Variants in STARD13 observed in about 807,000 individuals in gnomAD.
STARD13 encodes the protein stAR-related lipid transfer protein 13.
STARD13 carries 62 observed loss-of-function variants against 106.4 expected under a neutral mutation model. The observed-to-expected ratio is 0.58, with a 90% CI of 0.48 to 0.72. The LOEUF (loss-of-function observed/expected upper bound fraction) is 0.72. STARD13 is among the 30% of genes least tolerant of loss of function. The pLI is 0.00. For missense variants in STARD13, 1,387 were observed against 1,424.0 expected (o/e 0.97, Z 0.42); for synonymous variants, 565 against 553.0 (o/e 1.02, Z -0.31).
chr13:33,674,158 C>T, the STARD13 span, among the ~76,000 whole-genome samples: 1 of 152,184 alleles, frequency 6.6e-6, no homozygotes, highest in Non-Finnish European at 1.5e-5. Context: ...CCGCACCAGG[C>T]CAGAATTATT....
chr13:33,581,666 T>C, the STARD13 span, among the ~76,000 whole-genome samples: 2 of 152,220 alleles, frequency 1.3e-5, no homozygotes, highest in East Asian at 3.8e-4. Context: ...CGGGAGGAAT[T>C]ATTATTTTTT....
intron 1 of STARD13, among the ~76,000 whole-genome samples, chr13:33,320,683 AG>A (rs1893526278): frequency 6.6e-6 from 1 of 152,204 alleles, no homozygotes; most frequent in Non-Finnish European, 1.5e-5. Flanking sequence ...GAATAAAAAA[AG>A]ATTGGCCAGG....
the STARD13 span, among the ~76,000 whole-genome samples, chr13:33,373,217 T>C: frequency 6.6e-6 from 1 of 152,150 alleles, no homozygotes; most frequent in Non-Finnish European, 1.5e-5. Flanking sequence ...TGTCAGTCTA[T>C]GTTTTGAAGC....
the STARD13 span, among the ~76,000 whole-genome samples, chr13:33,598,415 A>G: frequency 2.0e-5 from 3 of 152,208 alleles, no homozygotes; most frequent in African/African-American, 7.2e-5. Flanking sequence ...TTTTAGCCCT[A>G]TTTGGGTACT....
chr13:33,429,971 G>A, the STARD13 span, among the ~76,000 whole-genome samples: 16 of 151,394 alleles, frequency 1.1e-4, no homozygotes, highest in East Asian at 2.1e-3. Flanking sequence ...AGGCTGGAGT[G>A]CAGTGGCGCG....
intron 1 of STARD13, among the ~76,000 whole-genome samples, chr13:33,204,811 C>G (rs953371926): frequency 3.9e-5 from 6 of 152,250 alleles, no homozygotes; most frequent in African/African-American, 1.4e-4. Flanking sequence ...CACACATGCT[C>G]CAGAGCTCTG....
the STARD13 span, among the ~76,000 whole-genome samples, chr13:33,404,130 T>G: frequency 6.6e-6 from 1 of 152,210 alleles, no homozygotes; most frequent in African/African-American, 2.4e-5. Flanking sequence ...AATAATGAGA[T>G]AAGTTTTTCA....
At chr13:33,542,252 T>A in the STARD13 span, among the ~76,000 whole-genome samples, 1 of 152,160 alleles carries the variant, frequency 6.6e-6, no homozygotes, top group Non-Finnish European at 1.5e-5. Context: ...GCCGGTTCAC[T>A]AAGATTTAGA....
At chr13:33,607,453 C>A in the STARD13 span, among the ~76,000 whole-genome samples, 1 of 152,036 alleles carries the variant, frequency 6.6e-6, no homozygotes, top group African/African-American at 2.4e-5. Flanking sequence ...CGTGCCACCA[C>A]ACCTGGCTAA....
At chr13:33,601,761 T>G in the STARD13 span, among the ~76,000 whole-genome samples, 3 of 152,102 alleles carry the variant, frequency 2.0e-5, no homozygotes, top group South Asian at 6.2e-4. Context: ...GTCCTTCCTT[T>G]CACCATGTTC....
At chr13:33,183,789 G>A (rs1356071137) in intron 1 of STARD13, among the ~76,000 whole-genome samples, 1 of 152,078 alleles carries the variant, frequency 6.6e-6, no homozygotes, top group Non-Finnish European at 1.5e-5. Context: ...GTCCAGTCAG[G>A]ACCACCCAAA....
intron 1 of STARD13, among the ~76,000 whole-genome samples, chr13:33,305,644 G>A (rs1892878545): frequency 6.6e-6 from 1 of 152,178 alleles, no homozygotes; most frequent in African/African-American, 2.4e-5. Context: ...CCTGCAGGCA[G>A]GCCTTGCCAT....
At chr13:33,486,396 A>G in the STARD13 span, among the ~76,000 whole-genome samples, 14 of 152,118 alleles carry the variant, frequency 9.2e-5, no homozygotes, top group African/African-American at 3.4e-4. Flanking sequence ...TTTTTCCTAT[A>G]TGTACCTACC....
At chr13:33,518,425 A>G in the STARD13 span, among the ~76,000 whole-genome samples, 1 of 152,114 alleles carries the variant, frequency 6.6e-6, no homozygotes. Context: ...TACTCCTGAA[A>G]TCCACCAAGA....
the STARD13 span, among the ~76,000 whole-genome samples, chr13:33,639,050 AAAGTGAAAATTTTCTG>A: frequency 6.6e-6 from 1 of 152,322 alleles, no homozygotes; most frequent in Admixed American, 6.5e-5. Flanking sequence ...GTAGTGAATA[AAAGTGAAAATTTTCTG>A]CTCTCAAGTA....
At chr13:33,440,275 A>G in the STARD13 span, among the ~76,000 whole-genome samples, 1 of 151,886 alleles carries the variant, frequency 6.6e-6, no homozygotes, top group African/African-American at 2.4e-5. Flanking sequence ...CGAGGCAAAA[A>G]AAAAAAAAAA....
the STARD13 span, among the ~76,000 whole-genome samples, chr13:33,384,462 C>T: frequency 6.6e-6 from 1 of 151,924 alleles, no homozygotes; most frequent in African/African-American, 2.4e-5. Flanking sequence ...GTCCACTGGC[C>T]CGAGAAAGCA....
At chr13:33,669,788 C>T in the STARD13 span, among the ~76,000 whole-genome samples, 10 of 152,158 alleles carry the variant, frequency 6.6e-5, no homozygotes, top group African/African-American at 1.7e-4. Context: ...CCCACTTTGG[C>T]CTCCCAAAGT....
At chr13:33,507,738 CA>C in the STARD13 span, among the ~76,000 whole-genome samples, 2 of 152,114 alleles carry the variant, frequency 1.3e-5, no homozygotes, top group Non-Finnish European at 2.9e-5. Context: ...CTGACAAGCA[CA>C]TATTTTATAT....
Sources: allele counts gnomAD v4.1 joint callset (sites outside exome capture counted in the v4.1 genomes callset), GRCh38; gene constraint gnomAD v4.1.1; transcripts MANE v1.5; gene names NCBI Gene and HGNC (gene_info 2026-07-23, HGNC 2026-07-21).